Variants in NDUFAF8 observed in about 807,000 individuals in gnomAD.
The protein encoded by NDUFAF8 is NADH:ubiquinone oxidoreductase complex assembly factor 8, also known as NADH dehydrogenase [ubiquinone] 1 alpha subcomplex assembly factor 8.
A neutral mutation model predicts 9.9 loss-of-function variants in NDUFAF8; 9 were observed. The ratio of observed to expected loss-of-function variants is 0.91; its 90% confidence interval spans 0.55 to 1.59. NDUFAF8 has a LOEUF of 1.59. NDUFAF8 is among the 40% of genes most tolerant of loss of function. The probability of loss-of-function intolerance (pLI) is 0.00; values close to 1 mark genes in which losing one functional copy is unlikely to be tolerated. For missense variants in NDUFAF8, 114 were observed against 113.8 expected, an observed-to-expected ratio of 1.00 and a Z score of -0.01; for synonymous variants, 63 against 51.2, an observed-to-expected ratio of 1.23 and a Z score of -0.98.
rs58054276 is a variant in NDUFAF8, at chr17:81,240,668, C to CAAA, written c.196-308_196-306dup. Among the ~76,000 whole-genome samples, 6 of 105,874 alleles carry CAAA rather than the reference C, an allele frequency of 5.7e-5. No homozygotes were observed. In the South Asian group the frequency reaches 1.1e-3, roughly 19 times the overall value. The allele number at this position is 105,874 out of a possible 152,430, so 69.5% of individuals were successfully genotyped here. On this transcript the variant is annotated intron_variant, in intron 2 of 2. Transcript: ENST00000431388. ...TAGGCAACAAAGTGAGACTGCATCT[C>CAAA]AAAAAAAAAAAAAGGGGGGGGGCTC...
At chr17:81,240,151 C>T (rs1285100111) in intron 2 of NDUFAF8, 1 of 196,676 alleles carries the variant, frequency 5.1e-6, no homozygotes, top group Non-Finnish European at 1.1e-5. Context: ...GGCTTCTTGC[C>T]CGTGGGGCTT....
chr17:81,240,115 A>C, intron 2 of NDUFAF8: 1 of 223,190 alleles, frequency 4.5e-6, no homozygotes, highest in Middle Eastern at 1.8e-3. Flanking sequence ...GGGAACCCCC[A>C]GCCACCCTCA....
At position 81,241,045 on chromosome 17, in the gene NDUFAF8, C is replaced by G; in HGVS notation, c.*29C>G. 6.2e-7 allele frequency: 1 copy of G among 1,611,746 alleles called. No homozygotes were observed. The highest frequency in any genetic ancestry group is 8.5e-7 in the Non-Finnish European group (1 of 1,179,038). Reference sequence around the variant, plus strand: ...GGACTCTGAGCTTCACACCTGTCTGCTGCCATGGGTGCAGAGCCCTAGTCC... The same window carrying G: ...GGACTCTGAGCTTCACACCTGTCTGGTGCCATGGGTGCAGAGCCCTAGTCC... On this transcript the variant is annotated 3_prime_UTR_variant, in exon 3 of 3. Transcript: ENST00000431388.
upstream of NDUFAF8, chr17:81,239,311 G>T: frequency 1.5e-6 from 2 of 1,360,792 alleles, no homozygotes; most frequent in Non-Finnish European, 9.5e-7. Context: ...GTTTGACACC[G>T]GAAGAGGACG....
Position 81,241,161 on chromosome 17 carries a change from T to C in NDUFAF8, c.*145T>C. On this transcript the variant is annotated 3_prime_UTR_variant, in exon 3 of 3. Coordinates refer to ENST00000431388, the MANE Select transcript of NDUFAF8 (RefSeq NM_001086521.2). The stretch of plus-strand genomic sequence containing the variant: ...GACATTCCTCGGTGTTAGATCCTGT[T>C]TTTTCTTAACAAGTTGAGGCGTGGG... 7.1e-7 allele frequency: 1 copy of C among 1,407,340 alleles called. No individual in the cohort carries two copies. The highest frequency in any genetic ancestry group is 9.3e-7 in the Non-Finnish European group (1 of 1,073,952). The allele number at this position is 1,407,340 out of a possible 1,614,324, so 87.2% of individuals were successfully genotyped here.
At position 81,239,883 on chromosome 17, in the gene NDUFAF8, G is replaced by A. The variant is rs778407229; in HGVS notation, c.195+205G>A. On this transcript the variant is annotated intron_variant, in intron 2 of 2. Transcript: ENST00000431388. ...CTTGTCCCTGCATGTTTGTAAAGCG[G>A]GACTGGCACCAACCTCAGAAAGGAT... is the stretch of plus-strand genomic sequence containing the variant. The A allele has an allele frequency of 1.3e-3, 837 of 625,550 alleles. 10 individuals are homozygous for A. The highest frequency in any genetic ancestry group is 3.0e-3 in the Middle Eastern group (7 of 2,330). The allele number at this position is 625,550 out of a possible 1,614,324, so 38.7% of individuals were successfully genotyped here. A position where few individuals can be genotyped will look rare whatever the true frequency, so the allele number is the denominator to read the frequency against.
chr17:81,239,679 G>T lies in NDUFAF8; in HGVS notation c.195+1G>T. The T allele has an allele frequency of 6.5e-7, 1 of 1,538,012 alleles. No individual in the cohort carries two copies. ...CCTGCGGAGCTGCTTCGCCGCTGCGGTAGGTGGGCGCGGGCCCCTTCCCCC... is the reference window on the plus strand; with the variant it reads ...CCTGCGGAGCTGCTTCGCCGCTGCGTTAGGTGGGCGCGGGCCCCTTCCCCC... On this transcript the variant is annotated splice_donor_variant, in intron 2 of 2. Coordinates refer to ENST00000431388, the MANE Select transcript of NDUFAF8 (RefSeq NM_001086521.2). LOFTEE classifies it high-confidence loss of function.
In NDUFAF8 at chr17:81,241,171, C is replaced by A. The variant is rs1357328099; in HGVS notation, c.*155C>A. 4.3e-6 allele frequency: 6 copies of A among 1,401,276 alleles called. No homozygotes were observed. Among genetic ancestry groups the A allele is most frequent in the African/African-American group, 1.4e-5 (1 of 68,992 alleles). 86.8% of individuals were successfully genotyped at this position (1,401,276 alleles called of 1,614,324 possible). On this transcript the variant is annotated 3_prime_UTR_variant, in exon 3 of 3. Transcript: ENST00000431388. ...GGTGTTAGATCCTGTTTTTTCTTAA[C>A]AAGTTGAGGCGTGGGTAGAGCAGGA...
intron 2 of NDUFAF8, 187 bp downstream of exon 2, chr17:81,239,865 C>T (rs1024456366): frequency 5.3e-5 from 35 of 666,540 alleles, no homozygotes; most frequent in African/African-American, 4.8e-4. Flanking sequence ...GGGCTTGTCC[C>T]TGCATGTTTG....
rs567687911 is a variant in NDUFAF8 at position 81,240,760 on chromosome 17, G to C, written c.196-227G>C. 2.0e-5 allele frequency among the ~76,000 whole-genome samples: 3 copies of C among 152,056 alleles called. No individual in the cohort carries two copies. In the East Asian group the frequency reaches 5.8e-4, roughly 29 times the overall value. ...TCGTGGGGGCTCAGAGGAGGGGGCA[G>C]CAGTGAGTTCTGTGATAGTGTCATG... On this transcript the variant is annotated intron_variant, in intron 2 of 2. Coordinates refer to ENST00000431388, the MANE Select transcript of NDUFAF8 (RefSeq NM_001086521.2).
chr17:81,240,689 G>A (rs1220198567), intron 2 of NDUFAF8, among the ~76,000 whole-genome samples: 2 of 151,212 alleles, frequency 1.3e-5, no homozygotes, highest in Admixed American at 6.6e-5. Flanking sequence ...AAAGGGGGGG[G>A]GCTCCTGCTT....
intron 2 of NDUFAF8, 76 bp from the exon 3 acceptor site, chr17:81,240,911 T>C (rs537110946): frequency 1.5e-5 from 22 of 1,517,162 alleles, no homozygotes; most frequent in Non-Finnish European, 2.0e-5. Flanking sequence ...GAACACAACG[T>C]GTGGTGTGGT....
intron 1 of NDUFAF8, 32 bp from the exon 2 acceptor site, chr17:81,239,536 G>A (rs937735565): frequency 6.1e-5 from 91 of 1,489,672 alleles, no homozygotes; most frequent in Non-Finnish European, 8.0e-5. Context: ...GGGGTCAGGG[G>A]ACCCCACGAC....
At position 81,239,603 on chromosome 17, in the gene NDUFAF8, G is replaced by A. The variant is rs374420845; in HGVS notation, c.120G>A (p.Thr40=). The change falls in exon 2 of 3, where the codon ACG becomes ACA. Residue 40 remains threonine (T), a synonymous_variant. Coordinates refer to ENST00000431388, the MANE Select transcript of NDUFAF8 (RefSeq NM_001086521.2). ...AAYGRCVQAS[T]APGGRLSKDF... ...ACGGCAGGTGCGTGCAGGCCTCCAC[G>A]GCCCCGGGCGGCCGCCTGAGTAAGG... 6.5e-7 allele frequency: 1 copy of A among 1,538,754 alleles called. No homozygotes were observed. Among genetic ancestry groups the A allele is most frequent in the Non-Finnish European group, 8.7e-7 (1 of 1,146,186 alleles).
Position 81,239,580 on chromosome 17 carries a change from G to T in NDUFAF8, c.97G>T (p.Gly33Cys). The change falls in exon 2 of 3, where the codon GGC becomes TGC. Residue 33 changes from glycine (G) to cysteine (C), a missense_variant. Coordinates refer to ENST00000431388, the MANE Select transcript of NDUFAF8 (RefSeq NM_001086521.2). The part of the protein sequence containing the change: ...AACGAEAAAY[G>C]RCVQASTAPG... ...GTCCTTTCCGCAGGCCGCGGCGTAC[G>T]GCAGGTGCGTGCAGGCCTCCACGGC... 6.5e-7 allele frequency: 1 copy of T among 1,536,214 alleles called. No homozygotes were observed. Among genetic ancestry groups the T allele is most frequent in the South Asian group, 1.2e-5 (1 of 83,836 alleles).
rs1567916380 is a variant in NDUFAF8 at position 81,241,143 on chromosome 17, C to T, written c.*127C>T. The stretch of plus-strand genomic sequence containing the variant: ...TGGGAATGGCGAAGATGTGACATTC[C>T]TCGGTGTTAGATCCTGTTTTTTCTT... On this transcript the variant is annotated 3_prime_UTR_variant, in exon 3 of 3. Coordinates refer to ENST00000431388, the MANE Select transcript of NDUFAF8 (RefSeq NM_001086521.2). 1.4e-6 allele frequency: 2 copies of T among 1,431,246 alleles called. No homozygotes were observed. Among genetic ancestry groups the T allele is most frequent in the Admixed American group, 2.7e-5 (1 of 37,446 alleles). The allele number at this position is 1,431,246 out of a possible 1,614,324, so 88.7% of individuals were successfully genotyped here. A position where few individuals can be genotyped will look rare whatever the true frequency, so the allele number is the denominator to read the frequency against.
intron 2 of NDUFAF8, chr17:81,239,907 A>T (rs983790395): frequency 1.7e-6 from 1 of 594,618 alleles, no homozygotes; most frequent in Non-Finnish European, 2.9e-6. Flanking sequence ...CTCAGAAAGG[A>T]TGGGAGATGT....
At chr17:81,240,682 G>T (rs9897806) in intron 2 of NDUFAF8, among the ~76,000 whole-genome samples, 1 of 137,926 alleles carries the variant, frequency 7.3e-6, no homozygotes, top group African/African-American at 2.8e-5. Flanking sequence ...AAAAAAAAAA[G>T]GGGGGGGGCT....
In NDUFAF8 at chr17:81,241,268, G is replaced by C; in HGVS notation, c.*252G>C. The stretch of plus-strand genomic sequence containing the variant: ...GTAACGGAAGCCACGATAAAGACTC[G>C]GTCAAATCCTGCAGCCTGGGGCTTA... On this transcript the variant is annotated 3_prime_UTR_variant, in exon 3 of 3. Transcript: ENST00000431388. The C allele has an allele frequency of 8.7e-6, 10 of 1,144,572 alleles. No homozygotes were observed. Among genetic ancestry groups the C allele is most frequent in the Non-Finnish European group, 1.1e-5 (10 of 878,218 alleles). 70.9% of individuals were successfully genotyped at this position (1,144,572 alleles called of 1,614,324 possible).
Sources: allele counts gnomAD v4.1 joint callset (sites outside exome capture counted in the v4.1 genomes callset), GRCh38; gene constraint gnomAD v4.1.1; transcripts MANE v1.5; gene names NCBI Gene and HGNC (gene_info 2026-07-23, HGNC 2026-07-21).